Variants in CDH12 observed in about 807,000 individuals in gnomAD.
The protein encoded by CDH12 is cadherin 12, also known as cadherin-12.
CDH12 carries 41 observed loss-of-function variants against 74.1 expected under a neutral mutation model. The observed-to-expected ratio is 0.55, with a 90% CI of 0.43 to 0.72. CDH12 has a LOEUF of 0.72. Among genes scored for constraint, CDH12 ranks in the 30% least tolerant of loss-of-function variants. The pLI is 0.00. For missense variants in CDH12, 945 were observed against 977.2 expected (o/e 0.97, Z 0.44); for synonymous variants, 399 against 355.0 (o/e 1.12, Z -1.39).
At chr5:22,713,325 T>C (rs928403106) in intron 1 of CDH12, among the ~76,000 whole-genome samples, 7 of 151,802 alleles carry the variant, frequency 4.6e-5, no homozygotes, top group African/African-American at 1.7e-4. Context: ...GTATTTTTAG[T>C]AGAGACGGGG....
chr5:22,122,786 G>T (rs1745603013), intron 4 of CDH12, among the ~76,000 whole-genome samples: 1 of 152,224 alleles, frequency 6.6e-6, no homozygotes, highest in African/African-American at 2.4e-5. Context: ...TGAGAAAGAA[G>T]ACTCTCTCTG....
intron 2 of CDH12, among the ~76,000 whole-genome samples, chr5:22,466,612 A>G (rs1745737956): frequency 6.6e-6 from 1 of 151,998 alleles, no homozygotes; most frequent in African/African-American, 2.4e-5. Context: ...GATAAACCAG[A>G]AAAAAGAGGA....
intron 1 of CDH12, among the ~76,000 whole-genome samples, chr5:22,818,690 A>T (rs1749514274): frequency 6.6e-6 from 1 of 152,156 alleles, no homozygotes. Context: ...AGAGAGATTA[A>T]GCAAGGCTGA....
intron 1 of CDH12, among the ~76,000 whole-genome samples, chr5:22,731,104 C>T (rs947234509): frequency 1.3e-5 from 2 of 151,778 alleles, no homozygotes. Context: ...CTTTGGACTT[C>T]TTAGAAGATA....
intron 1 of CDH12, among the ~76,000 whole-genome samples, chr5:22,606,066 C>A (rs1737099889): frequency 6.6e-6 from 1 of 152,186 alleles, no homozygotes. Context: ...GAAGGAAGGG[C>A]ACCTCTGTGG....
intron 3 of CDH12, among the ~76,000 whole-genome samples, chr5:22,250,019 T>TA (rs796419919): frequency 1.1e-3 from 168 of 149,024 alleles, no homozygotes; most frequent in African/African-American, 3.0e-3. Flanking sequence ...GTCATCCAAT[T>TA]AAAAAAAAAA....
At chr5:22,487,882 T>C (rs1035967715) in intron 2 of CDH12, among the ~76,000 whole-genome samples, 1 of 152,228 alleles carries the variant, frequency 6.6e-6, no homozygotes, top group Non-Finnish European at 1.5e-5. Context: ...AAAATTTAAC[T>C]TTTAACAACA....
intron 2 of CDH12, among the ~76,000 whole-genome samples, chr5:22,446,465 A>T (rs1246676983): frequency 6.6e-6 from 1 of 152,094 alleles, no homozygotes; most frequent in Non-Finnish European, 1.5e-5. Context: ...TGAGACTGAA[A>T]ATCTTCCACC....
At chr5:22,214,603 G>A (rs970333524) in intron 3 of CDH12, among the ~76,000 whole-genome samples, 5 of 152,118 alleles carry the variant, frequency 3.3e-5, no homozygotes, top group Non-Finnish European at 7.3e-5. Flanking sequence ...TCCGTTTCTC[G>A]TATTGGTCTA....
intron 6 of CDH12, among the ~76,000 whole-genome samples, chr5:21,955,414 T>C (rs1275838158): frequency 6.6e-6 from 1 of 151,958 alleles, no homozygotes; most frequent in East Asian, 1.9e-4. Context: ...TGGGATATTA[T>C]TCAGACTATA....
chr5:22,089,977 C>A (rs1580231744), intron 4 of CDH12, among the ~76,000 whole-genome samples: 1 of 151,678 alleles, frequency 6.6e-6, no homozygotes, highest in African/African-American at 2.4e-5. Context: ...AATAATTTAA[C>A]CACCCCAATA....
At chr5:22,693,778 T>A (rs1281488266) in intron 1 of CDH12, among the ~76,000 whole-genome samples, 3 of 152,126 alleles carry the variant, frequency 2.0e-5, no homozygotes, top group African/African-American at 7.2e-5. Context: ...ATATGTATTA[T>A]CTGTCTGCAT....
At chr5:22,713,984 T>A (rs1480720118) in intron 1 of CDH12, among the ~76,000 whole-genome samples, 1 of 152,216 alleles carries the variant, frequency 6.6e-6, no homozygotes, top group Non-Finnish European at 1.5e-5. Context: ...CCAAATTACC[T>A]TGTTGTCCTT....
At chr5:22,143,861 G>C (rs1746977785) in intron 4 of CDH12, 1 of 152,042 alleles carries the variant, frequency 6.6e-6, no homozygotes, top group African/African-American at 2.4e-5. Context: ...ATATACTTCT[G>C]TTTGTAAAAA....
In CDH12 at chr5:21,751,559, T is replaced by C. The variant is rs1262325093; in HGVS notation, c.*178A>G. ...AATAAACCAAAACTGACAATATGAT[T>C]AATTTAGTAACTTACTAGAAACCAG... On this transcript the variant is annotated 3_prime_UTR_variant, in exon 15 of 15. Transcript: ENST00000382254. 4 of 595,892 alleles carry C rather than the reference T, an allele frequency of 6.7e-6. No homozygotes were observed. In the South Asian group the frequency reaches 8.9e-5, roughly 13 times the overall value. The allele number at this position is 595,892 out of a possible 1,614,324, so 36.9% of individuals were successfully genotyped here.
chr5:21,754,866 C>T (rs1334019736), intron 14 of CDH12, among the ~76,000 whole-genome samples: 3 of 152,132 alleles, frequency 2.0e-5, no homozygotes, highest in African/African-American at 7.2e-5. Context: ...AATGGAGAAG[C>T]TGAACAGAGT....
chr5:21,896,073 CA>C, intron 6 of CDH12, among the ~76,000 whole-genome samples: 1 of 152,232 alleles, frequency 6.6e-6, no homozygotes, highest in East Asian at 1.9e-4. Context: ...CATTGGCTTC[CA>C]CGCCTCTACA....
At chr5:22,590,739 T>G (rs1411291430) in intron 1 of CDH12, among the ~76,000 whole-genome samples, 2 of 152,188 alleles carry the variant, frequency 1.3e-5, no homozygotes, top group Non-Finnish European at 2.9e-5. Flanking sequence ...TGTTTTAATT[T>G]TAGTATGGCA....
At chr5:21,818,599 A>G (rs192797821) in intron 8 of CDH12, among the ~76,000 whole-genome samples, 2 of 151,936 alleles carry the variant, frequency 1.3e-5, no homozygotes, top group Non-Finnish European at 2.9e-5. Flanking sequence ...AATCCAACAT[A>G]TTATCTCCAT....
Sources: gnomAD v4.1 joint callset for allele counts (sites outside exome capture counted in the v4.1 genomes callset) on GRCh38, gnomAD v4.1.1 for gene constraint, MANE v1.5 for transcripts, NCBI Gene and HGNC (gene_info 2026-07-23, HGNC 2026-07-21) for gene names.